CACNB4: variants seen among roughly 807,000 people sequenced by gnomAD.
The protein encoded by CACNB4 is voltage-dependent L-type calcium channel subunit beta-4.
A neutral mutation model predicts 71.2 loss-of-function variants in CACNB4; 32 were observed. The ratio of observed to expected loss-of-function variants is 0.45; its 90% CI spans 0.34 to 0.60. The LOEUF is 0.60. Among genes scored for constraint, CACNB4 ranks in the 20% least tolerant of loss-of-function variants. CACNB4 has a pLI of 0.01. For synonymous variants in CACNB4, 231 were observed against 236.9 expected, an observed-to-expected ratio of 0.97 and a Z score of 0.23; for missense variants, 464 against 647.9, an observed-to-expected ratio of 0.72 and a Z score of 3.08.
intron 2 of CACNB4, chr2:151,972,692 T>G (rs567015432): frequency 7.0e-6 from 1 of 143,834 alleles, no homozygotes. Flanking sequence ...CCACAGGGTT[T>G]TTTTTTGTTT....
chr2:151,979,704 TG>T (rs547344248), intron 2 of CACNB4, among the ~76,000 whole-genome samples: 24 of 152,296 alleles, frequency 1.6e-4, no homozygotes, highest in African/African-American at 5.3e-4. Context: ...TGAAGATCAA[TG>T]AGAAATGATG....
chr2:151,871,013 T>C (rs184678423), intron 6 of CACNB4, 152 bp from the exon 7 acceptor site: 2 of 628,792 alleles, frequency 3.2e-6, no homozygotes, highest in African/African-American at 3.7e-5. Context: ...CCTTATGATT[T>C]CATTCTGGAC....
chr2:152,071,360 T>C (rs1256037323), intron 2 of CACNB4, among the ~76,000 whole-genome samples: 2 of 152,202 alleles, frequency 1.3e-5, no homozygotes, highest in Non-Finnish European at 1.5e-5. Flanking sequence ...TCCTCAAACA[T>C]AGCAGGGGTG....
rs34480372 is a variant in CACNB4 at position 152,063,675 on chromosome 2, C to T, written c.147+34655G>A. ...CTTGCAAAATTTAGACCAAAGCAAA[C>T]AACTTAAATTCTACAGAAGACACAT... is the stretch of plus-strand genomic sequence containing the variant. On this transcript the variant is annotated intron_variant, in intron 2 of 13. Transcript: ENST00000539935. Among the ~76,000 whole-genome samples, 1,213 of 152,264 alleles carry T rather than the reference C, an allele frequency of 8.0e-3. 15 individuals carry two copies. The highest frequency in any genetic ancestry group is 0.014 in the Middle Eastern group (4 of 294).
At position 151,878,086 on chromosome 2, in the gene CACNB4, A is replaced by T. The variant is rs1036702984; in HGVS notation, c.391-1530T>A. ...GTGTTGGGCAAGATAATTCTCTCCT[A>T]TTTTGACCCAAAATATATATATTTA... is the stretch of plus-strand genomic sequence containing the variant. On this transcript the variant is annotated intron_variant, in intron 4 of 13. Coordinates refer to ENST00000539935, the MANE Select transcript of CACNB4 (RefSeq NM_000726.5). Among the ~76,000 whole-genome samples the T allele has an allele frequency of 2.1e-4, 32 of 152,102 alleles. 1 individual carries two copies. Among genetic ancestry groups the T allele is most frequent in the Admixed American group, 1.2e-3 (19 of 15,268 alleles).
intron 2 of CACNB4, among the ~76,000 whole-genome samples, chr2:151,899,790 G>A (rs145110195): frequency 3.3e-5 from 5 of 152,256 alleles, no homozygotes; most frequent in African/African-American, 9.6e-5. Flanking sequence ...ATTGACAAAT[G>A]CTTGTTGAAA....
intron 2 of CACNB4, among the ~76,000 whole-genome samples, chr2:151,959,049 G>C (rs534464261): frequency 6.6e-6 from 1 of 152,308 alleles, no homozygotes; most frequent in South Asian, 2.1e-4. Flanking sequence ...AGGACCTCGA[G>C]GAAGGCCCAA....
At position 152,035,555 on chromosome 2, in the gene CACNB4, GTCTCTCTCTCTCTTTC is replaced by G. The variant is rs1684510123; in HGVS notation, c.147+62759_147+62774del. Among the ~76,000 whole-genome samples the G allele has an allele frequency of 3.7e-5, 5 of 136,976 alleles. No homozygotes were observed. The South Asian group carries it at 1.2e-3, about 32-fold the overall frequency. The allele number at this position is 136,976 out of a possible 152,430, so 89.9% of individuals were successfully genotyped here. ...AGCCTGGGCAACAGAGCGAAACTCC[GTCTCTCTCTCTCTTTC>G]TCTCTCTCTCTCTCTCCCTCTCTCT... On this transcript the variant is annotated intron_variant, in intron 2 of 13. Coordinates refer to ENST00000539935, the MANE Select transcript of CACNB4 (RefSeq NM_000726.5).
chr2:151,977,953 TAGATGA>T (rs1451120259), intron 2 of CACNB4, among the ~76,000 whole-genome samples: 3 of 152,244 alleles, frequency 2.0e-5, no homozygotes, highest in Admixed American at 6.5e-5. Context: ...TACAGTGTGC[TAGATGA>T]ATTTTCTCAT....
Position 151,943,636 on chromosome 2 carries a change from C to T in CACNB4, c.148-60266G>A, listed in dbSNP as rs536204064. On this transcript the variant is annotated intron_variant, in intron 2 of 13. Coordinates refer to ENST00000539935, the MANE Select transcript of CACNB4 (RefSeq NM_000726.5). ...TAATATTAATCATGTCATCCCACTT[C>T]CAAGGGCTAATAAGGGGTTCGTCCA... 5.3e-5 allele frequency among the ~76,000 whole-genome samples: 8 copies of T among 152,276 alleles called. No homozygotes were observed. The South Asian group carries it at 1.7e-3, about 32-fold the overall frequency.
intron 2 of CACNB4, among the ~76,000 whole-genome samples, chr2:152,069,800 A>G (rs1579239202): frequency 7.2e-6 from 1 of 138,736 alleles, no homozygotes. Context: ...ATTCTCCTTT[A>G]TTCTAGATCT....
chr2:152,017,928 G>A (rs954906288), intron 2 of CACNB4, among the ~76,000 whole-genome samples: 1 of 151,526 alleles, frequency 6.6e-6, no homozygotes, highest in African/African-American at 2.4e-5. Context: ...TGCCTCCTGG[G>A]TTCAAGCGAT....
At chr2:151,927,848 C>T (rs1483083825) in intron 2 of CACNB4, among the ~76,000 whole-genome samples, 9 of 152,238 alleles carry the variant, frequency 5.9e-5, no homozygotes, top group African/African-American at 9.6e-5. Context: ...GGCACAGTAG[C>T]GGTGAGCTTG....
intron 2 of CACNB4, among the ~76,000 whole-genome samples, chr2:152,081,847 C>T (rs1687375314): frequency 6.6e-6 from 1 of 152,172 alleles, no homozygotes; most frequent in Non-Finnish European, 1.5e-5. Flanking sequence ...CTTTGCTGAA[C>T]TGTATGTGCA....
At chr2:151,907,004 A>G (rs2099854993) in intron 2 of CACNB4, among the ~76,000 whole-genome samples, 1 of 152,018 alleles carries the variant, frequency 6.6e-6, no homozygotes, top group Admixed American at 6.5e-5. Flanking sequence ...TTATCTCTAT[A>G]TGTTTATTCC....
intron 2 of CACNB4, chr2:151,962,730 T>C (rs2099869980): frequency 6.6e-6 from 1 of 152,248 alleles, no homozygotes; most frequent in Non-Finnish European, 1.5e-5. Flanking sequence ...GGGTGTATTA[T>C]CATTCTAATC....
At chr2:151,880,411 T>C (rs2099847540) in intron 4 of CACNB4, 1 of 271,572 alleles carries the variant, frequency 3.7e-6, no homozygotes, top group Admixed American at 5.6e-5. Context: ...TACATGTCTA[T>C]AATTACAACA....
rs1177288854 is a variant in CACNB4, at chr2:151,981,329, C to T, written c.148-97959G>A. Among the ~76,000 whole-genome samples the T allele has an allele frequency of 3.1e-4, 16 of 51,408 alleles. No individual in the cohort carries two copies. The East Asian group carries it at 3.8e-3, about 12-fold the overall frequency. 33.7% of individuals were successfully genotyped at this position (51,408 alleles called of 152,430 possible). Reference sequence around the variant, plus strand: ...AAATTCACACTGTGAGCCTTGATGTCGTTGCCTCCATCATAATGCATGCAG... The same window carrying T: ...AAATTCACACTGTGAGCCTTGATGTTGTTGCCTCCATCATAATGCATGCAG... On this transcript the variant is annotated intron_variant, in intron 2 of 13. Transcript: ENST00000539935.
At chr2:151,860,620 G>T in intron 10 of CACNB4, 91 bp downstream of exon 10, 1 of 882,668 alleles carries the variant, frequency 1.1e-6, no homozygotes, top group South Asian at 1.4e-5. Flanking sequence ...TCAGAATGGG[G>T]AACAAATTGA....
Sources: gnomAD v4.1 joint callset for allele counts (sites outside exome capture counted in the v4.1 genomes callset) on GRCh38, gnomAD v4.1.1 for gene constraint, MANE v1.5 for transcripts, NCBI Gene and HGNC (gene_info 2026-07-23, HGNC 2026-07-21) for gene names.